Variants in KATNIP observed in about 807,000 individuals in gnomAD.
The protein encoded by KATNIP is katanin-interacting protein.
KATNIP carries 126 observed loss-of-function variants against 174.0 expected under a neutral mutation model. That is an observed-to-expected ratio of 0.72 (90% CI 0.63 to 0.84). KATNIP has a LOEUF of 0.84. Among genes scored for constraint, KATNIP ranks in the 40% least tolerant of loss-of-function variants. KATNIP has a pLI of 0.00. For synonymous variants in KATNIP, 810 were observed against 835.7 expected (o/e 0.97, Z 0.53); for missense variants, 1,958 against 2,109.7 (o/e 0.93, Z 1.41).
intron 18 of KATNIP, among the ~76,000 whole-genome samples, chr16:27,761,042 TGCACAGTGAGGTCAG>T (rs2081934910): frequency 6.6e-6 from 1 of 152,176 alleles, no homozygotes; most frequent in Non-Finnish European, 1.5e-5. Flanking sequence ...GGGTCCCTGG[TGCACAGTGAGGTCAG>T]AGAAGTAGAT....
rs990860262 is a variant in KATNIP, at chr16:27,703,996, G to T, written c.1387G>T (p.Glu463Ter). 7 of 1,612,794 alleles carry T rather than the reference G, an allele frequency of 4.3e-6. No individual in the cohort carries two copies. The highest frequency in any genetic ancestry group is 1.3e-5 in the African/African-American group (1 of 74,928). Residue 463 changes from glutamate to a stop codon, truncating the protein, a stop_gained and splice_region_variant, in exon 12 of 28, where the codon GAG becomes TAG. Coordinates refer to ENST00000261588, the MANE Select transcript of KATNIP (RefSeq NM_015202.5). LOFTEE classifies it high-confidence loss of function. ...AACCAAGGAGCAAGTATCAGACACA[G>T]AGGTGAGAGCCTTGACTTGATTTTC... ...SPTKEQVSDT[E>*]DKQRMRADEI... is the part of the protein sequence containing the mutation.
intron 15 of KATNIP, among the ~76,000 whole-genome samples, chr16:27,745,077 C>A (rs2081240367): frequency 6.6e-6 from 1 of 152,200 alleles, no homozygotes; most frequent in South Asian, 2.1e-4. Context: ...TTATGCTCAG[C>A]AGAGCATCTC....
At chr16:27,607,585 A>G (rs992640694) in intron 2 of KATNIP, among the ~76,000 whole-genome samples, 1 of 143,810 alleles carries the variant, frequency 7.0e-6, no homozygotes, top group Non-Finnish European at 1.5e-5. Flanking sequence ...GACCCTAGAC[A>G]GTCAGTGTCT....
chr16:27,703,414 C>A (rs1746232355), intron 11 of KATNIP, among the ~76,000 whole-genome samples: 1 of 152,230 alleles, frequency 6.6e-6, no homozygotes, highest in Non-Finnish European at 1.5e-5. Flanking sequence ...CAGAGCAGAT[C>A]TCCAGCCCAG....
Position 27,751,780 on chromosome 16 carries a change from A to G in KATNIP, c.3408A>G (p.Ile1136Met). Residue 1136 changes from isoleucine to methionine, a missense_variant, in exon 17 of 28, where the codon ATA (isoleucine) becomes ATG (methionine). This residue lies in a region of KATNIP where 1,557 missense variants were observed against 1,617.8 expected (regional missense o/e 0.96). Transcript: ENST00000261588. ...FTTDDDILEA[I>M]FYSDEMFDLD... ...CCGATGATGACATTCTCGAGGCCAT[A>G]TTCTATTCTGATGAGATGTTTGACC... 6.2e-7 allele frequency: 1 copy of G among 1,614,212 alleles called. No individual in the cohort carries two copies. The highest frequency in any genetic ancestry group is 8.5e-7 in the Non-Finnish European group (1 of 1,180,036).
At chr16:27,704,131 C>A (rs545538202) in intron 12 of KATNIP, 133 bp downstream of exon 12, 5 of 680,050 alleles carry the variant, frequency 7.4e-6, no homozygotes, top group African/African-American at 1.8e-5. Context: ...CGCCCCCCCC[C>A]TCCCTGGCAC....
intron 10 of KATNIP, chr16:27,701,374 GTTT>G (rs2079092086): frequency 4.2e-6 from 2 of 476,844 alleles, no homozygotes; most frequent in Admixed American, 3.3e-5. Flanking sequence ...GAAGTGGATT[GTTT>G]CCTAGGAGCG....
rs531737118 is a variant in KATNIP at position 27,752,717 on chromosome 16, G to GT, written c.3552+803dup. On this transcript the variant is annotated intron_variant, in intron 17 of 27. Coordinates refer to ENST00000261588, the MANE Select transcript of KATNIP (RefSeq NM_015202.5). ...CAGTGCATGCCACCATGCCTGGCTA[G>GT]TTTTTTTTTTATTTTTTGTAGAGAT... Among the ~76,000 whole-genome samples the GT allele has an allele frequency of 9.0e-3, 1,346 of 149,570 alleles. 25 individuals carry two copies. The highest frequency in any genetic ancestry group is 0.084 in the South Asian group (395 of 4,696).
At chr16:27,698,564 A>C in intron 9 of KATNIP, 64 bp downstream of exon 9, 1 of 1,466,382 alleles carries the variant, frequency 6.8e-7, no homozygotes, top group Admixed American at 2.2e-5. Flanking sequence ...TCTGAGCTGC[A>C]GTTGAGAAGA....
At chr16:27,722,929 G>A (rs2080299322) in intron 14 of KATNIP, among the ~76,000 whole-genome samples, 1 of 152,158 alleles carries the variant, frequency 6.6e-6, no homozygotes, top group African/African-American at 2.4e-5. Flanking sequence ...TCTTCTTTGG[G>A]CTGGAACTAG....
Position 27,766,333 on chromosome 16 carries a change from C to T in KATNIP, c.3834C>T (p.Thr1278=), listed in dbSNP as rs369707979. ...GGTTAATTGATGGCACCAACATCACCATGGAGGATGAGCATATGTGGCTGA... is the reference window on the plus strand; with the variant it reads ...GGTTAATTGATGGCACCAACATCACTATGGAGGATGAGCATATGTGGCTGA... ...LDKLIDGTNI[T]MEDEHMWLIP... is the part of the protein sequence containing the mutation. The change falls in exon 20 of 28, where the codon ACC becomes ACT. Residue 1278 remains threonine (T), a synonymous_variant. Coordinates refer to ENST00000261588, the MANE Select transcript of KATNIP (RefSeq NM_015202.5). 1.3e-5 allele frequency: 21 copies of T among 1,614,170 alleles called. No individual in the cohort carries two copies. The East Asian group carries it at 3.3e-4, about 26-fold the overall frequency.
intron 15 of KATNIP, among the ~76,000 whole-genome samples, chr16:27,747,377 G>A (rs1346911288): frequency 2.6e-5 from 4 of 152,100 alleles, no homozygotes; most frequent in Non-Finnish European, 5.9e-5. Context: ...GCAAAGGCCA[G>A]AAAGCCACCA....
chr16:27,673,599 A>T (rs71388102), intron 6 of KATNIP, among the ~76,000 whole-genome samples: 2,517 of 152,228 alleles, frequency 0.017, 28 homozygotes, highest in Non-Finnish European at 0.025. Flanking sequence ...TGTCCTGGAC[A>T]TTCTGTTATG....
At chr16:27,758,804 A>G (rs1257980318) in intron 18 of KATNIP, among the ~76,000 whole-genome samples, 1 of 151,958 alleles carries the variant, frequency 6.6e-6, no homozygotes. Context: ...GTCACTCCCT[A>G]TCCTGTTGCT....
intron 16 of KATNIP, 68 bp downstream of exon 16, chr16:27,750,374 A>G: frequency 6.7e-7 from 1 of 1,499,736 alleles, no homozygotes; most frequent in East Asian, 2.3e-5. Flanking sequence ...TATGGGAAAA[A>G]ACAGACCAGC....
At chr16:27,578,821 G>A (rs763926734) in intron 2 of KATNIP, among the ~76,000 whole-genome samples, 5 of 152,112 alleles carry the variant, frequency 3.3e-5, no homozygotes, top group South Asian at 4.2e-4. Context: ...CAAGGGATCC[G>A]CCCACCTCGG....
chr16:27,754,278 G>T lies in KATNIP; in HGVS notation c.3631+27G>T, dbSNP rs377307098. The T allele has an allele frequency of 3.8e-6, 6 of 1,598,324 alleles. No individual in the cohort carries two copies. The Admixed American group carries it at 6.7e-5, about 18-fold the overall frequency. ...TGAGTAGCTCTCCTGGAGCAGTGTT[G>T]GGTGGAAGGAGGACCTTCCAGGGAC... On this transcript the variant is annotated intron_variant, in intron 18 of 27. Transcript: ENST00000261588.
intron 1 of KATNIP, among the ~76,000 whole-genome samples, chr16:27,552,901 T>C (rs1596685991): frequency 6.6e-6 from 1 of 151,434 alleles, no homozygotes; most frequent in Non-Finnish European, 1.5e-5. Flanking sequence ...TCTATGTTGG[T>C]CAGGCTGGTC....
chr16:27,696,069 C>T (rs972225696), intron 8 of KATNIP, among the ~76,000 whole-genome samples: 10 of 152,256 alleles, frequency 6.6e-5, no homozygotes, highest in Middle Eastern at 3.4e-3. Context: ...TTATTAGGTG[C>T]TTCTTTTATA....
Sources: allele counts gnomAD v4.1 joint callset (sites outside exome capture counted in the v4.1 genomes callset), GRCh38; gene constraint gnomAD v4.1.1; regional missense constraint gnomAD v4.1.1; transcripts MANE v1.5; gene names NCBI Gene and HGNC (gene_info 2026-07-23, HGNC 2026-07-21).